Variants in PRSS23 observed in about 807,000 individuals in gnomAD.
The protein encoded by PRSS23 is serine protease 23.
PRSS23 carries 25 observed loss-of-function variants against 34.7 expected under a neutral mutation model. The observed-to-expected ratio is 0.72, with a 90% CI of 0.53 to 1.01. The LOEUF is 1.01. PRSS23 is among the 50% of genes least tolerant of loss of function. The probability of loss-of-function intolerance (pLI) is 0.00; values close to 1 mark genes in which losing one functional copy is unlikely to be tolerated. For missense variants in PRSS23, 445 were observed against 475.6 expected, an observed-to-expected ratio of 0.94 and a Z score of 0.60; for synonymous variants, 176 against 186.6, an observed-to-expected ratio of 0.94 and a Z score of 0.46.
At chr11:86,861,214 T>C (rs1260067054) in intron 2 of PRSS23, among the ~76,000 whole-genome samples, 1 of 139,332 alleles carries the variant, frequency 7.2e-6, no homozygotes, top group Non-Finnish European at 1.5e-5. Flanking sequence ...TGTGATATGA[T>C]CCGTAATATC....
intron 1 of PRSS23, among the ~76,000 whole-genome samples, chr11:86,820,552 T>C (rs965586088): frequency 2.0e-5 from 3 of 152,218 alleles, no homozygotes; most frequent in Admixed American, 6.5e-5. Flanking sequence ...TTATACTTTA[T>C]GTAGCACAGT....
chr11:86,906,698 C>G (rs1948945370), intron 2 of PRSS23, among the ~76,000 whole-genome samples: 1 of 152,198 alleles, frequency 6.6e-6, no homozygotes, highest in Non-Finnish European at 1.5e-5. Context: ...CACAATGAGG[C>G]CCAAACCCAA....
chr11:86,883,880 T>C (rs1436135895), intron 2 of PRSS23, among the ~76,000 whole-genome samples: 1 of 152,242 alleles, frequency 6.6e-6, no homozygotes, highest in African/African-American at 2.4e-5. Context: ...TATTTATGAA[T>C]TGTAAGCATT....
chr11:86,869,251 T>C (rs1948669502), intron 2 of PRSS23, among the ~76,000 whole-genome samples: 3 of 152,170 alleles, frequency 2.0e-5, no homozygotes, highest in African/African-American at 7.2e-5. Flanking sequence ...ATTTAATAAA[T>C]GGCAGATAAT....
intron 2 of PRSS23, among the ~76,000 whole-genome samples, chr11:86,879,868 A>C (rs1481198034): frequency 4.2e-5 from 6 of 142,818 alleles, no homozygotes; most frequent in African/African-American, 1.3e-4. Flanking sequence ...CCGGGAGGTG[A>C]GGGGCGCCTC....
chr11:86,828,829 C>G lies in PRSS23; in HGVS notation c.206+5236C>G, dbSNP rs1483670981. The stretch of plus-strand genomic sequence containing the variant: ...AGAGTGTTGAATATTGGCCCCCACT[C>G]TCTTCTGGCTTGTAGAGTTTCTGCC... On this transcript the variant is annotated intron_variant, in intron 2 of 2. Coordinates refer to the PRSS23 transcript ENST00000533902. 4.6e-5 allele frequency among the ~76,000 whole-genome samples: 7 copies of G among 152,328 alleles called. No homozygotes were observed. The East Asian group carries it at 1.3e-3, about 29-fold the overall frequency.
chr11:86,896,942 C>G (rs1018021947), intron 2 of PRSS23, among the ~76,000 whole-genome samples: 4 of 152,218 alleles, frequency 2.6e-5, no homozygotes, highest in African/African-American at 9.6e-5. Context: ...ATATCTTTAA[C>G]TTCAGCCCAT....
intron 2 of PRSS23, among the ~76,000 whole-genome samples, chr11:86,882,237 G>T (rs1019910654): frequency 1.3e-5 from 2 of 152,130 alleles, no homozygotes; most frequent in Non-Finnish European, 2.9e-5. Context: ...GAGTACATGT[G>T]CAGGATGTGT....
rs1948499766 is a variant in PRSS23, at chr11:86,847,916, C to T, written c.206+24323C>T. On this transcript the variant is annotated intron_variant, in intron 2 of 2. Transcript: ENST00000533902. ...CGAGCTTTGCCCAAATGACAGAGGC[C>T]CACAATTACCTCCATATTCAGGGCC... Among the ~76,000 whole-genome samples the T allele has an allele frequency of 4.6e-5, 7 of 152,124 alleles. No individual in the cohort carries two copies. In the South Asian group the frequency reaches 1.5e-3, roughly 32 times the overall value.
intron 2 of PRSS23, among the ~76,000 whole-genome samples, chr11:86,829,265 C>T (rs1948330138): frequency 2.0e-5 from 3 of 152,126 alleles, no homozygotes; most frequent in Non-Finnish European, 4.4e-5. Context: ...CACTGATATC[C>T]TTTCTTCAAG....
At chr11:86,939,402 A>AT (rs1565392736) in intron 2 of PRSS23, among the ~76,000 whole-genome samples, 728 of 60,324 alleles carry the variant, frequency 0.012, 2 homozygotes, top group African/African-American at 0.019. Flanking sequence ...TTAAAAAAAA[A>AT]AATATATATA....
chr11:86,851,995 C>G (rs1263395545), intron 2 of PRSS23, among the ~76,000 whole-genome samples: 1 of 152,210 alleles, frequency 6.6e-6, no homozygotes, highest in East Asian at 1.9e-4. Flanking sequence ...GCTGAGCTGA[C>G]AGTTTGCATA....
chr11:86,938,765 G>A (rs1196390587), intron 2 of PRSS23, among the ~76,000 whole-genome samples: 12 of 152,062 alleles, frequency 7.9e-5, no homozygotes, highest in African/African-American at 2.9e-4. Flanking sequence ...GCTGGAGTGA[G>A]GGCAGCCTCT....
chr11:86,855,057 C>A (rs112708109), intron 2 of PRSS23, among the ~76,000 whole-genome samples: 1 of 151,810 alleles, frequency 6.6e-6, no homozygotes, highest in African/African-American at 2.4e-5. Context: ...CCCAGCTATT[C>A]GGGAGGCTGA....
chr11:86,878,950 C>T (rs1224786415), intron 2 of PRSS23, among the ~76,000 whole-genome samples: 8 of 134,346 alleles, frequency 6.0e-5, no homozygotes, highest in African/African-American at 2.3e-4. Flanking sequence ...GCGTCTCTGC[C>T]CGGCCGCCAT....
chr11:86,849,141 G>A (rs371005962), intron 2 of PRSS23, among the ~76,000 whole-genome samples: 2 of 152,172 alleles, frequency 1.3e-5, no homozygotes, highest in African/African-American at 4.8e-5. Flanking sequence ...TTGAGGGCCA[G>A]GAAGTACACT....
At chr11:86,803,266 T>C (rs531750952) in intron 1 of PRSS23, among the ~76,000 whole-genome samples, 1 of 152,352 alleles carries the variant, frequency 6.6e-6, no homozygotes, top group South Asian at 2.1e-4. Flanking sequence ...GGTGTGAGTC[T>C]TCCAGGCAGC....
At chr11:86,929,551 G>A (rs1949109567) in intron 2 of PRSS23, among the ~76,000 whole-genome samples, 1 of 152,158 alleles carries the variant, frequency 6.6e-6, no homozygotes, top group Admixed American at 6.6e-5. Flanking sequence ...GCTGAGGCAG[G>A]AGAATCGCTT....
chr11:86,875,502 A>C (rs1265139716), intron 2 of PRSS23, among the ~76,000 whole-genome samples: 1 of 152,180 alleles, frequency 6.6e-6, no homozygotes, highest in East Asian at 1.9e-4. Context: ...AGGAACGCTG[A>C]CTCTTTCAGA....
Sources: gnomAD v4.1 joint callset for allele counts (sites outside exome capture counted in the v4.1 genomes callset) on GRCh38, gnomAD v4.1.1 for gene constraint, MANE v1.5 for transcripts, NCBI Gene and HGNC (gene_info 2026-07-23, HGNC 2026-07-21) for gene names.